Variants in NFX1 observed in about 807,000 individuals in gnomAD.
NFX1 encodes nuclear transcription factor, X-box binding 1, also known as transcriptional repressor NF-X1.
NFX1 carries 69 observed loss-of-function variants against 137.2 expected under a neutral mutation model. The ratio of observed to expected loss-of-function variants is 0.50; its 90% CI spans 0.41 to 0.61. The LOEUF is 0.61. NFX1 is among the 20% of genes least tolerant of loss of function. The pLI, the probability that NFX1 is intolerant of heterozygous loss-of-function variation, is 0.00. For synonymous variants in NFX1, 495 were observed against 474.1 expected, an observed-to-expected ratio of 1.04 and a Z score of -0.57; for missense variants, 1,167 against 1,391.0, an observed-to-expected ratio of 0.84 and a Z score of 2.56.
At chr9:33,353,885 T>C (rs1823727445) in intron 17 of NFX1, among the ~76,000 whole-genome samples, 1 of 152,050 alleles carries the variant, frequency 6.6e-6, no homozygotes, top group Non-Finnish European at 1.5e-5. Context: ...AGACGGGGTT[T>C]CACCATATTG....
intron 2 of NFX1, among the ~76,000 whole-genome samples, chr9:33,299,999 T>G (rs2118211721): frequency 6.6e-6 from 1 of 152,202 alleles, no homozygotes; most frequent in African/African-American, 2.4e-5. Flanking sequence ...TTGTGTGACC[T>G]TGGATAAATG....
chr9:33,366,868 A>T, intron 22 of NFX1, 94 bp downstream of exon 22: 1 of 1,393,018 alleles, frequency 7.2e-7, no homozygotes, highest in Non-Finnish European at 9.6e-7. Flanking sequence ...TCTTACTACC[A>T]CTCTCCCTCT....
chr9:33,318,042 G>A (rs929987790), intron 7 of NFX1, among the ~76,000 whole-genome samples: 2 of 146,808 alleles, frequency 1.4e-5, no homozygotes, highest in Non-Finnish European at 3.0e-5. Flanking sequence ...TTTAATGTAC[G>A]ATTTTATTTT....
chr9:33,328,197 T>C (rs927884135), intron 9 of NFX1, among the ~76,000 whole-genome samples: 9 of 151,732 alleles, frequency 5.9e-5, no homozygotes, highest in African/African-American at 9.7e-5. Context: ...TTTGTGCTTT[T>C]TTTTTTTTTG....
intron 21 of NFX1, chr9:33,365,891 C>T (rs1484589794): frequency 1.3e-5 from 2 of 152,162 alleles, no homozygotes; most frequent in African/African-American, 4.8e-5. Context: ...AAGAGGGAGA[C>T]CCCTGTCCTG....
At chr9:33,347,747 A>G in intron 15 of NFX1, 1 of 359,438 alleles carries the variant, frequency 2.8e-6, no homozygotes, top group Non-Finnish European at 5.5e-6. Flanking sequence ...ATAGCAGCAC[A>G]ATTCACAATT....
intron 9 of NFX1, among the ~76,000 whole-genome samples, chr9:33,323,566 G>A (rs985037832): frequency 1.3e-4 from 20 of 151,458 alleles, no homozygotes; most frequent in East Asian, 2.0e-4. Flanking sequence ...CAGCCTGGCC[G>A]ACATGGTGAA....
chr9:33,354,052 A>G lies in NFX1; in HGVS notation c.2730-34A>G, dbSNP rs375984192. The G allele has an allele frequency of 4.8e-5, 75 of 1,558,400 alleles. No homozygotes were observed. In the African/African-American group the frequency reaches 5.8e-4, roughly 12 times the overall value. On this transcript the variant is annotated intron_variant, in intron 17 of 23. Transcript: ENST00000379540. ...ATAAGGAGGTTCTTGTGAAACTGCA[A>G]TGCCTCTTTTTCCCTTTCTTTTTTA...
At chr9:33,333,093 G>A (rs1396014305) in intron 11 of NFX1, among the ~76,000 whole-genome samples, 2 of 152,160 alleles carry the variant, frequency 1.3e-5, no homozygotes, top group Non-Finnish European at 2.9e-5. Context: ...TGATCCACCC[G>A]CCTCGGCCTC....
In NFX1 at chr9:33,367,559, A is replaced by C; in HGVS notation, c.3230A>C (p.Glu1077Ala). The C allele has an allele frequency of 1.2e-6, 2 of 1,613,964 alleles. No homozygotes were observed. Among genetic ancestry groups the C allele is most frequent in the Non-Finnish European group, 1.7e-6 (2 of 1,179,872 alleles). ...CPPTTLTGVL[E>A]REMQARPPPP... ...CCTACCACGCTGACAGGTGTGCTTG[A>C]AAGGGAAATGCAGGCACGGCCTCCA... The change falls in exon 23 of 24, where the codon GAA becomes GCA. Residue 1077 changes from glutamate to alanine, a missense_variant. This residue lies in a region of NFX1 where 312 missense variants were observed against 312.8 expected (regional missense o/e 1.00). Transcript: ENST00000379540.
In NFX1 at chr9:33,370,629, T is replaced by G. The variant is rs1163356835; in HGVS notation, c.*651T>G. 1 of 152,274 alleles carries G rather than the reference T, an allele frequency of 6.6e-6. No individual in the cohort carries two copies. Among genetic ancestry groups the G allele is most frequent in the Non-Finnish European group, 1.5e-5 (1 of 68,096 alleles). The allele number at this position is 152,274 out of a possible 1,614,324, so 9.4% of individuals were successfully genotyped here. A position where few individuals can be genotyped will look rare whatever the true frequency, so the allele number is the denominator to read the frequency against. ...AGGGGGTCAGGCTGCTTTACAGAAT[T>G]CTATTTCCTTAAGTCCCTGGCACTT... is the stretch of plus-strand genomic sequence containing the variant. On this transcript the variant is annotated 3_prime_UTR_variant, in exon 24 of 24. Coordinates refer to ENST00000379540, the MANE Select transcript of NFX1 (RefSeq NM_002504.6).
chr9:33,318,574 C>A (rs1229675584), intron 7 of NFX1, among the ~76,000 whole-genome samples, 157 bp from the exon 8 acceptor site: 3 of 152,170 alleles, frequency 2.0e-5, no homozygotes, highest in African/African-American at 4.8e-5. Flanking sequence ...ATACTCATTT[C>A]TGCATAGGTC....
chr9:33,347,715 A>G (rs1338761821), intron 15 of NFX1: 3 of 437,070 alleles, frequency 6.9e-6, no homozygotes, highest in Non-Finnish European at 4.6e-6. Flanking sequence ...TATATGAAAA[A>G]GATACCTGCA....
intron 7 of NFX1, among the ~76,000 whole-genome samples, chr9:33,315,140 G>T (rs542158578): frequency 6.6e-6 from 1 of 151,164 alleles, no homozygotes; most frequent in South Asian, 2.1e-4. Flanking sequence ...CAGGAGAATC[G>T]CTTGAACCTG....
chr9:33,327,271 C>T (rs188385786), intron 9 of NFX1, among the ~76,000 whole-genome samples: 1 of 152,328 alleles, frequency 6.6e-6, no homozygotes, highest in Admixed American at 6.5e-5. Context: ...GCAGTCCTCC[C>T]ACCTTGGCTT....
chr9:33,303,277 G>C lies in NFX1; in HGVS notation c.1270+9G>C, dbSNP rs1821638840. The C allele has an allele frequency of 6.2e-7, 1 of 1,611,362 alleles. No homozygotes were observed. The highest frequency in any genetic ancestry group is 1.3e-5 in the African/African-American group (1 of 74,872). ...CTACACTTGTTTCTGTGGTAAGTTT[G>C]TTTATATACACTGGAGTCTCTTTTA... On this transcript the variant is annotated intron_variant, in intron 4 of 23. Coordinates refer to ENST00000379540, the MANE Select transcript of NFX1 (RefSeq NM_002504.6).
chr9:33,293,720 C>A (rs951198996), intron 1 of NFX1, among the ~76,000 whole-genome samples: 8 of 152,170 alleles, frequency 5.3e-5, no homozygotes, highest in Admixed American at 1.3e-4. Context: ...TCTGGGGGAA[C>A]ATGAGTGGGT....
chr9:33,295,083 G>A lies in NFX1; in HGVS notation c.689G>A (p.Gly230Glu), dbSNP rs1821305510. ...EASSRKGVLD[G>E]YGARRNEQRR... ...TCCTCTAGAAAAGGAGTATTGGATGGGTATGGAGCCAGACGAAATGAGCAG... is the reference window on the plus strand; with the variant it reads ...TCCTCTAGAAAAGGAGTATTGGATGAGTATGGAGCCAGACGAAATGAGCAG... The change falls in exon 2 of 24, where the codon GGG becomes GAG. Residue 230 changes from glycine (G) to glutamate (E), a missense_variant. Around this residue, in one of 3 missense-constraint regions of NFX1, gnomAD observed 367 missense variants for 386.7 expected, o/e 0.95. Coordinates refer to ENST00000379540, the MANE Select transcript of NFX1 (RefSeq NM_002504.6). 1 of 1,614,076 alleles carries A rather than the reference G, an allele frequency of 6.2e-7. No individual in the cohort carries two copies. The highest frequency in any genetic ancestry group is 8.5e-7 in the Non-Finnish European group (1 of 1,180,024).
chr9:33,331,174 T>A (rs1160060980), intron 10 of NFX1, among the ~76,000 whole-genome samples: 4 of 151,656 alleles, frequency 2.6e-5, no homozygotes, highest in East Asian at 1.9e-4. Flanking sequence ...AAAAAAAAAA[T>A]AAAAAAAATA....
Sources: gnomAD v4.1 joint callset for allele counts (sites outside exome capture counted in the v4.1 genomes callset) on GRCh38, gnomAD v4.1.1 for gene constraint, gnomAD v4.1.1 regional missense constraint, MANE v1.5 for transcripts, NCBI Gene and HGNC (gene_info 2026-07-23, HGNC 2026-07-21) for gene names.